Variants in CPA6 observed in about 807,000 individuals in gnomAD.
CPA6 encodes the protein carboxypeptidase A6, also known as carboxypeptidase B.
CPA6 carries 58 observed loss-of-function variants against 63.3 expected under a neutral mutation model. The observed-to-expected ratio is 0.92, with a 90% CI of 0.74 to 1.14. The LOEUF (loss-of-function observed/expected upper bound fraction) is 1.14, where lower values mean the gene tolerates loss of function less well. CPA6 is among the 50% of genes most tolerant of loss of function. The probability of loss-of-function intolerance (pLI) is 0.00; values close to 1 mark genes in which losing one functional copy is unlikely to be tolerated. For synonymous variants in CPA6, 185 were observed against 179.0 expected (o/e 1.03, Z -0.27); for missense variants, 565 against 526.6 (o/e 1.07, Z -0.71).
Position 67,474,409 on chromosome 8 carries a change from G to C in CPA6, c.838+9359C>G, listed in dbSNP as rs186475261. 2.7e-3 allele frequency among the ~76,000 whole-genome samples: 405 copies of C among 152,068 alleles called. 1 individual carries two copies. The highest frequency in any genetic ancestry group is 6.8e-3 in the African/African-American group (281 of 41,492). ...GCTAATTTTTTGTATTTTTAGTAGA[G>C]ATGGGGTTTCACCATATTGGCCAGG... On this transcript the variant is annotated intron_variant, in intron 8 of 10. Transcript: ENST00000297770.
intron 1 of CPA6, among the ~76,000 whole-genome samples, chr8:67,680,381 T>C (rs569355307): frequency 2.0e-5 from 3 of 151,934 alleles, no homozygotes; most frequent in South Asian, 4.2e-4. Context: ...TGTGTGTATG[T>C]AGTCCTAGCT....
intron 1 of CPA6, among the ~76,000 whole-genome samples, chr8:67,733,810 A>G (rs2129003347): frequency 6.7e-6 from 1 of 149,282 alleles, no homozygotes. Context: ...TAGGAAGGAT[A>G]GAAGCTGAGA....
At chr8:67,424,857 C>T (rs112226404) in intron 10 of CPA6, among the ~76,000 whole-genome samples, 6 of 152,322 alleles carry the variant, frequency 3.9e-5, no homozygotes, top group African/African-American at 1.2e-4. Flanking sequence ...TTTAACACAG[C>T]TGACAAGCCC....
chr8:67,547,147 T>C lies in CPA6; in HGVS notation c.193-29100A>G, dbSNP rs930305492. Among the ~76,000 whole-genome samples, 6 of 151,604 alleles carry C rather than the reference T, an allele frequency of 4.0e-5. No homozygotes were observed. In the East Asian group the frequency reaches 9.9e-4, roughly 25 times the overall value. On this transcript the variant is annotated intron_variant, in intron 2 of 10. Coordinates refer to ENST00000297770, the MANE Select transcript of CPA6 (RefSeq NM_020361.5). ...CTGCAAGCTCTGCCTCCTGGGTTCA[T>C]GCCATTCTCCTGCCTCAGCCTCCCG...
At chr8:67,606,976 C>T (rs780618452) in intron 2 of CPA6, among the ~76,000 whole-genome samples, 6 of 152,084 alleles carry the variant, frequency 3.9e-5, no homozygotes, top group South Asian at 2.1e-4. Flanking sequence ...TGGGTCATGT[C>T]GCAGAAACTA....
chr8:67,483,442 C>G (rs1028003634), intron 8 of CPA6: 17 of 369,942 alleles, frequency 4.6e-5, no homozygotes, highest in Non-Finnish European at 8.5e-5. Context: ...AAGATTTAAC[C>G]AGAATTATAC....
intron 6 of CPA6, among the ~76,000 whole-genome samples, chr8:67,490,535 A>AT (rs1811581401): frequency 6.6e-6 from 1 of 152,104 alleles, no homozygotes; most frequent in South Asian, 2.1e-4. Flanking sequence ...CACCAAAGCA[A>AT]TTTTTTCAAT....
intron 1 of CPA6, among the ~76,000 whole-genome samples, chr8:67,734,608 T>A (rs1033737220): frequency 6.6e-6 from 1 of 152,212 alleles, no homozygotes; most frequent in Non-Finnish European, 1.5e-5. Context: ...TTAGAATATT[T>A]TTTTTCTGCA....
At chr8:67,579,923 T>C (rs1813724201) in intron 2 of CPA6, among the ~76,000 whole-genome samples, 1 of 152,246 alleles carries the variant, frequency 6.6e-6, no homozygotes, top group Non-Finnish European at 1.5e-5. Context: ...TCTGTATCTT[T>C]ACAGAAAGTT....
chr8:67,511,082 A>T (rs1429620799), intron 4 of CPA6, among the ~76,000 whole-genome samples: 1 of 152,160 alleles, frequency 6.6e-6, no homozygotes, highest in East Asian at 1.9e-4. Context: ...CAGGTAGGAT[A>T]AAAAAGCATG....
chr8:67,491,318 A>T (rs1811601198), intron 6 of CPA6, among the ~76,000 whole-genome samples: 1 of 151,874 alleles, frequency 6.6e-6, no homozygotes, highest in South Asian at 2.1e-4. Context: ...TGGTCAATCA[A>T]ATAACAGTTT....
At chr8:67,445,027 G>C (rs1186653085) in intron 8 of CPA6, among the ~76,000 whole-genome samples, 1 of 152,104 alleles carries the variant, frequency 6.6e-6, no homozygotes, top group Non-Finnish European at 1.5e-5. Context: ...AAGTAACTGG[G>C]GACTTTTGCT....
intron 2 of CPA6, among the ~76,000 whole-genome samples, chr8:67,536,088 T>C (rs1812578615): frequency 6.6e-6 from 1 of 151,474 alleles, no homozygotes. Flanking sequence ...ACCAGTACCA[T>C]ACTACTGTAG....
chr8:67,684,029 AT>A lies in CPA6; in HGVS notation c.117-59779del, dbSNP rs975350203. Reference sequence around the variant, plus strand: ...TATATATATATATATATATATATATATAATTTTTATTTTATTTATTTATTTA... The same window carrying A: ...TATATATATATATATATATATATATAAATTTTTATTTTATTTATTTATTTA... On this transcript the variant is annotated intron_variant, in intron 1 of 10. Coordinates refer to ENST00000297770, the MANE Select transcript of CPA6 (RefSeq NM_020361.5). 9.1e-4 allele frequency among the ~76,000 whole-genome samples: 127 copies of A among 140,092 alleles called. 1 individual carries two copies. The highest frequency in any genetic ancestry group is 1.5e-3 in the Non-Finnish European group (97 of 65,566). 91.9% of individuals were successfully genotyped at this position (140,092 alleles called of 152,430 possible).
chr8:67,631,412 T>G (rs1815326414), intron 1 of CPA6, among the ~76,000 whole-genome samples: 1 of 152,188 alleles, frequency 6.6e-6, no homozygotes, highest in South Asian at 2.1e-4. Context: ...CAGCACTGTG[T>G]CTAGCTCAAG....
intron 1 of CPA6, among the ~76,000 whole-genome samples, chr8:67,705,178 C>T (rs1817107603): frequency 6.6e-6 from 1 of 152,146 alleles, no homozygotes; most frequent in Admixed American, 6.5e-5. Context: ...AAAAGTTCCG[C>T]ACAGCTTGCC....
intron 3 of CPA6, 152 bp downstream of exon 3, chr8:67,517,771 T>C (rs1812176431): frequency 3.9e-6 from 3 of 762,428 alleles, no homozygotes; most frequent in East Asian, 5.6e-5. Flanking sequence ...TAATAAGCTC[T>C]TCAAGGTGAA....
chr8:67,437,990 A>G (rs1810200830), intron 8 of CPA6, among the ~76,000 whole-genome samples: 1 of 152,170 alleles, frequency 6.6e-6, no homozygotes, highest in Non-Finnish European at 1.5e-5. Context: ...ATCTCAGCTC[A>G]CTGCAACCTC....
At chr8:67,453,355 T>A (rs6472302) in intron 8 of CPA6, among the ~76,000 whole-genome samples, 2 of 151,976 alleles carry the variant, frequency 1.3e-5, no homozygotes, top group Non-Finnish European at 2.9e-5. Flanking sequence ...AAGGCCTGAG[T>A]AACTGGAAGG....
Sources: allele counts gnomAD v4.1 joint callset (sites outside exome capture counted in the v4.1 genomes callset), GRCh38; gene constraint gnomAD v4.1.1; transcripts MANE v1.5; gene names NCBI Gene and HGNC (gene_info 2026-07-23, HGNC 2026-07-21).